Variants in UGT1A10 observed in about 807,000 individuals in gnomAD.
UGT1A10 encodes UDP-glucuronosyltransferase 1A10.
Under a neutral mutation model 45.8 loss-of-function variants are expected in UGT1A10, and 49 were observed. The ratio of observed to expected loss-of-function variants is 1.07; its 90% CI spans 0.85 to 1.36. UGT1A10 has a LOEUF of 1.36. UGT1A10 is among the 40% of genes most tolerant of loss of function. UGT1A10 has a pLI of 0.00. For missense variants in UGT1A10, 745 were observed against 668.6 expected, an observed-to-expected ratio of 1.11 and a Z score of -1.26; for synonymous variants, 284 against 249.7, an observed-to-expected ratio of 1.14 and a Z score of -1.29.
At chr2:233,738,133 A>G (rs1397029261) in intron 1 of UGT1A10, among the ~76,000 whole-genome samples, 2 of 152,126 alleles carry the variant, frequency 1.3e-5, no homozygotes, top group African/African-American at 2.4e-5. Flanking sequence ...AGGGGCCCTT[A>G]TCCCTTCACT....
chr2:233,759,264 GCTGCATT>G (rs1697095056), intron 1 of UGT1A10, among the ~76,000 whole-genome samples: 1 of 152,204 alleles, frequency 6.6e-6, no homozygotes, highest in South Asian at 2.1e-4. Context: ...GGTCACTGCA[GCTGCATT>G]CTGATTGGTT....
intron 1 of UGT1A10, among the ~76,000 whole-genome samples, chr2:233,737,955 G>A (rs1690643843): frequency 6.6e-6 from 1 of 151,990 alleles, no homozygotes; most frequent in African/African-American, 2.4e-5. Context: ...TTCCCAACAT[G>A]AGGTCACACT....
Position 233,712,865 on chromosome 2 carries a change from G to A in UGT1A10, c.856-54169G>A, listed in dbSNP as rs575994883. The A allele has an allele frequency of 2.8e-4, 439 of 1,573,778 alleles. 3 individuals are homozygous for A. In the African/African-American group the frequency reaches 5.2e-3, roughly 19 times the overall value. On this transcript the variant is annotated intron_variant, in intron 1 of 4. Transcript: ENST00000344644. ...AACGGGTAATAAGTAACTGGAGGAGGGCACTCTGTCTTCAATTACATGTTG... is the reference window on the plus strand; with the variant it reads ...AACGGGTAATAAGTAACTGGAGGAGAGCACTCTGTCTTCAATTACATGTTG...
chr2:233,643,129 C>T (rs1351940428), intron 1 of UGT1A10, among the ~76,000 whole-genome samples: 1 of 152,230 alleles, frequency 6.6e-6, no homozygotes, highest in African/African-American at 2.4e-5. Flanking sequence ...CTGCATCCCT[C>T]CCTTCAGAAT....
At chr2:233,703,011 C>T (rs1035820538) in intron 1 of UGT1A10, among the ~76,000 whole-genome samples, 5 of 152,184 alleles carry the variant, frequency 3.3e-5, no homozygotes, top group African/African-American at 1.2e-4. Context: ...TGGGAACAGT[C>T]TGTCAAGAAT....
At chr2:233,691,295 C>G (rs12623271) in intron 1 of UGT1A10, 398,787 of 985,226 alleles carry the variant, frequency 0.4, 81,169 homozygotes, top group South Asian at 0.46. Context: ...TTGTAAGCTG[C>G]CAATCCTCTT....
chr2:233,768,384 GA>G lies in UGT1A10; in HGVS notation c.1243del (p.Met415Ter). 1.9e-6 allele frequency: 3 copies of G among 1,614,136 alleles called. No homozygotes were observed. The highest frequency in any genetic ancestry group is 2.5e-6 in the Non-Finnish European group (3 of 1,180,028). ...AGCTGGAGTGACCCTGAATGTTCTG[GA>G]AATGACTTCTGAAGATTTAGAAAAT... ...KGAGVTLNVLEMTSEDLENAL... is the reference protein window; with the variant it reads ...KGAGVTLNVLXMTSEDLENAL... On this transcript the variant is annotated frameshift_variant, in exon 4 of 5. Transcript: ENST00000344644. LOFTEE classifies it high-confidence loss of function.
At chr2:233,667,574 C>T (rs1334523065) in intron 1 of UGT1A10, among the ~76,000 whole-genome samples, 1 of 152,148 alleles carries the variant, frequency 6.6e-6, no homozygotes, top group Non-Finnish European at 1.5e-5. Context: ...GCAAAAGAAA[C>T]TACCATCAGA....
At position 233,769,464 on chromosome 2, in the gene UGT1A10, C is replaced by CGTGT; in HGVS notation, c.1295+1037_1295+1040dup. The CGTGT allele has an allele frequency of 2.0e-6, 3 of 1,503,202 alleles. No individual in the cohort carries two copies. The highest frequency in any genetic ancestry group is 2.4e-5 in the South Asian group (2 of 84,104). The allele number at this position is 1,503,202 out of a possible 1,614,324, so 93.1% of individuals were successfully genotyped here. On this transcript the variant is annotated intron_variant, in intron 4 of 4. Transcript: ENST00000344644. The surrounding 1 kb of genome is among the most constrained non-coding windows in gnomAD (Gnocchi z 4.4). ...GGGTGCACACGTGTGCATTCATATG[C>CGTGT]GTGTGTGTGTGTGTGCGTGTGTTTA...
At chr2:233,666,339 G>A (rs1221310923) in intron 1 of UGT1A10, among the ~76,000 whole-genome samples, 1 of 152,214 alleles carries the variant, frequency 6.6e-6, no homozygotes, top group Non-Finnish European at 1.5e-5. Flanking sequence ...GGGAGGGACA[G>A]ATAATTCAGC....
chr2:233,716,286 T>G (rs886776584), intron 1 of UGT1A10, among the ~76,000 whole-genome samples: 1 of 152,132 alleles, frequency 6.6e-6, no homozygotes, highest in African/African-American at 2.4e-5. Flanking sequence ...CTTAATATAA[T>G]CACATCTATA....
intron 1 of UGT1A10, among the ~76,000 whole-genome samples, chr2:233,720,431 G>A (rs28898613): frequency 0.011 from 1,733 of 152,136 alleles, 27 homozygotes; most frequent in African/African-American, 0.04. Context: ...AGATAAGACC[G>A]TGAATCTATA....
At chr2:233,760,415 T>A (rs2125983730) in intron 1 of UGT1A10, 1 of 1,614,208 alleles carries the variant, frequency 6.2e-7, no homozygotes, top group Non-Finnish European at 8.5e-7. Flanking sequence ...TGGCTGAGCA[T>A]GCTTGGGGCC....
rs193246215 is a variant in UGT1A10, at chr2:233,754,852, G to A, written c.856-12182G>A. On this transcript the variant is annotated intron_variant, in intron 1 of 4. Coordinates refer to ENST00000344644, the MANE Select transcript of UGT1A10 (RefSeq NM_019075.4). ...GGAAATTCACTGAAGGCAGAGAAAAGGGGTGCAGACCCTCTGCTTCTGCTT... is the reference window on the plus strand; with the variant it reads ...GGAAATTCACTGAAGGCAGAGAAAAAGGGTGCAGACCCTCTGCTTCTGCTT... 19 of 1,345,310 alleles carry A rather than the reference G, an allele frequency of 1.4e-5. No individual in the cohort carries two copies. The Middle Eastern group carries it at 6.3e-4, about 45-fold the overall frequency. The allele number at this position is 1,345,310 out of a possible 1,614,324, so 83.3% of individuals were successfully genotyped here. A position where few individuals can be genotyped will look rare whatever the true frequency, so the allele number is the denominator to read the frequency against.
intron 1 of UGT1A10, among the ~76,000 whole-genome samples, chr2:233,661,818 A>G (rs2073977912): frequency 1.3e-5 from 2 of 151,032 alleles, no homozygotes; most frequent in African/African-American, 4.9e-5. Context: ...GCTTCATGGG[A>G]GCACTTGAGG....
intron 1 of UGT1A10, among the ~76,000 whole-genome samples, chr2:233,742,577 G>T (rs28900373): frequency 0.034 from 5,125 of 151,816 alleles, 154 homozygotes; most frequent in African/African-American, 0.051. Flanking sequence ...CGGAATTGGG[G>T]GCTTATCCCC....
intron 1 of UGT1A10, among the ~76,000 whole-genome samples, chr2:233,751,605 T>G (rs1030087764): frequency 2.0e-5 from 3 of 152,194 alleles, no homozygotes; most frequent in African/African-American, 7.2e-5. Flanking sequence ...TGGGACCTGG[T>G]GGGAGGTGAT....
At position 233,672,271 on chromosome 2, in the gene UGT1A10, T is replaced by C. The variant is rs370692027; in HGVS notation, c.855+34894T>C. The C allele has an allele frequency of 5.0e-5, 80 of 1,613,996 alleles. 1 individual carries two copies. The highest frequency in any genetic ancestry group is 6.4e-5 in the Non-Finnish European group (76 of 1,179,994). On this transcript the variant is annotated intron_variant, in intron 1 of 4. Transcript: ENST00000344644. ...TATATATTCTCTATTAATGGGTTCA[T>C]ACAATGACATTTTTGACTTATTTTT...
intron 1 of UGT1A10, among the ~76,000 whole-genome samples, chr2:233,638,831 G>A (rs575113373): frequency 6.6e-6 from 1 of 152,326 alleles, no homozygotes; most frequent in Non-Finnish European, 1.5e-5. Context: ...TAAAAAGCAG[G>A]AAGACTACAG....
Sources: allele counts gnomAD v4.1 joint callset (sites outside exome capture counted in the v4.1 genomes callset), GRCh38; gene constraint gnomAD v4.1.1; non-coding constraint Gnocchi (gnomAD v3.1); transcripts MANE v1.5; gene names NCBI Gene and HGNC (gene_info 2026-07-23, HGNC 2026-07-21).